JADE2: variants seen among roughly 807,000 people sequenced by gnomAD.
The protein encoded by JADE2 is jade family PHD finger 2, also known as E3 ubiquitin-protein ligase Jade-2.
JADE2 carries 13 observed loss-of-function variants against 85.7 expected under a neutral mutation model. The observed-to-expected ratio is 0.15, with a 90% confidence interval of 0.10 to 0.24. The LOEUF (loss-of-function observed/expected upper bound fraction) is 0.24, where lower values mean the gene tolerates loss of function less well. Ranked by LOEUF, JADE2 falls within the 10% of genes least tolerant of loss-of-function variation. The probability of loss-of-function intolerance (pLI) is 1.00; values close to 1 mark genes in which losing one functional copy is unlikely to be tolerated. For missense variants in JADE2, 846 were observed against 1,115.9 expected, an observed-to-expected ratio of 0.76 and a Z score of 3.45; for synonymous variants, 440 against 456.1, an observed-to-expected ratio of 0.96 and a Z score of 0.45.
At chr5:134,570,856 C>G (rs920404459) in intron 9 of JADE2, among the ~76,000 whole-genome samples, 1 of 152,222 alleles carries the variant, frequency 6.6e-6, no homozygotes, top group Non-Finnish European at 1.5e-5. Context: ...ACAGTTTTGC[C>G]CCACGTGGGG....
intron 3 of JADE2, among the ~76,000 whole-genome samples, chr5:134,546,970 A>C (rs1762332634): frequency 6.6e-6 from 1 of 152,188 alleles, no homozygotes; most frequent in Non-Finnish European, 1.5e-5. Context: ...CTTAGCTACA[A>C]ATCTTGAGAT....
intron 9 of JADE2, 95 bp from the exon 10 acceptor site, chr5:134,573,550 C>G: frequency 3.6e-6 from 3 of 839,354 alleles, no homozygotes; most frequent in South Asian, 2.7e-5. Context: ...GCCTGTGCCC[C>G]TGGCACTGCC....
Position 134,573,735 on chromosome 5 carries a change from A to C in JADE2, c.1525A>C (p.Lys509Gln). 2 of 1,612,362 alleles carry C rather than the reference A, an allele frequency of 1.2e-6. No homozygotes were observed. Among genetic ancestry groups the C allele is most frequent in the South Asian group, 2.2e-5 (2 of 91,054 alleles). Residue 509 changes from lysine to glutamine, a missense_variant, in exon 10 of 12, where the codon AAA becomes CAA. Transcript: ENST00000681547. ...GGAGCAGATATTCCACCTGCAGATG[A>C]AACTTATTGAACAGGATCTGTGTCG... ...LQEQIFHLQM[K>Q]LIEQDLCRER...
Position 134,578,479 on chromosome 5 carries a change from C to T in JADE2, c.1682-15C>T, listed in dbSNP as rs376026835. The T allele has an allele frequency of 6.5e-7, 1 of 1,547,220 alleles. No individual in the cohort carries two copies. Among genetic ancestry groups the T allele is most frequent in the South Asian group, 1.2e-5 (1 of 82,032 alleles). Reference sequence around the variant, plus strand: ...ACGTCTGCTGGCGTCTCACTTGCCTCCTCTCTCCCCTCAGCAGGCCTGTCC... The same window carrying T: ...ACGTCTGCTGGCGTCTCACTTGCCTTCTCTCTCCCCTCAGCAGGCCTGTCC... On this transcript the variant is annotated splice_polypyrimidine_tract_variant and intron_variant, in intron 11 of 11. Coordinates refer to ENST00000681547, the MANE Select transcript of JADE2 (RefSeq NM_001388185.1). The surrounding 1 kb of genome is among the most constrained non-coding windows in gnomAD (Gnocchi z 4.4).
intron 1 of JADE2, 72 bp from the exon 2 acceptor site, chr5:134,535,786 G>A (rs1227004541): frequency 7.7e-7 from 1 of 1,300,900 alleles, no homozygotes; most frequent in Non-Finnish European, 1.1e-6. Context: ...GGTTGGTTAT[G>A]GGGTGATTTT....
chr5:134,546,024 T>C (rs1233307132), intron 3 of JADE2, among the ~76,000 whole-genome samples: 2 of 152,226 alleles, frequency 1.3e-5, no homozygotes, highest in Non-Finnish European at 2.9e-5. Context: ...GGAAGAATCC[T>C]GCCAGCCTCC....
intron 1 of JADE2, among the ~76,000 whole-genome samples, chr5:134,529,051 C>T (rs1296618238): frequency 6.6e-6 from 1 of 152,170 alleles, no homozygotes; most frequent in East Asian, 1.9e-4. Flanking sequence ...ACCCCCACAT[C>T]CTTGAGGTTG....
intron 4 of JADE2, 130 bp from the exon 5 acceptor site, chr5:134,559,700 G>C (rs1396613868): frequency 3.4e-5 from 27 of 804,252 alleles, no homozygotes; most frequent in Non-Finnish European, 5.1e-5. Context: ...GGTGGAAGGA[G>C]GTGGGCCCTG....
intron 1 of JADE2, among the ~76,000 whole-genome samples, chr5:134,527,736 G>T (rs1191898669): frequency 6.6e-6 from 1 of 151,934 alleles, no homozygotes; most frequent in African/African-American, 2.4e-5. Context: ...CTGGAGGCGC[G>T]CGCAACTCCC....
At chr5:134,571,627 G>A (rs1443732284) in intron 9 of JADE2, among the ~76,000 whole-genome samples, 1 of 152,182 alleles carries the variant, frequency 6.6e-6, no homozygotes, top group South Asian at 2.1e-4. Flanking sequence ...AACCCGGGAG[G>A]CCGAGGTTGC....
chr5:134,583,054 C>T lies in JADE2; in HGVS notation c.*3737C>T, dbSNP rs61744006. ...TGGTCACCTGGGTGTGGCCAGTGCC[C>T]GCTGTGCCCTGCATGATTCTGTGTT... On this transcript the variant is annotated 3_prime_UTR_variant, in exon 12 of 12. Transcript: ENST00000681547. The T allele has an allele frequency of 2.6e-5, 4 of 152,764 alleles. No individual in the cohort carries two copies. Among genetic ancestry groups the T allele is most frequent in the East Asian group, 1.9e-4 (1 of 5,186 alleles). 9.5% of individuals were successfully genotyped at this position (152,764 alleles called of 1,614,324 possible).
At chr5:134,547,960 C>T (rs885324) in intron 3 of JADE2, among the ~76,000 whole-genome samples, 1 of 152,108 alleles carries the variant, frequency 6.6e-6, no homozygotes, top group East Asian at 1.9e-4. Flanking sequence ...ATTGGGGAAG[C>T]CTTCCTAGAG....
At chr5:134,531,030 A>G (rs998604246) in intron 1 of JADE2, among the ~76,000 whole-genome samples, 16 of 152,250 alleles carry the variant, frequency 1.1e-4, no homozygotes, top group African/African-American at 3.9e-4. Context: ...AAGTAGCTCA[A>G]CAAGCACAGC....
At chr5:134,529,789 G>A (rs980796705) in intron 1 of JADE2, among the ~76,000 whole-genome samples, 19 of 152,326 alleles carry the variant, frequency 1.2e-4, no homozygotes, top group Admixed American at 5.9e-4. Flanking sequence ...GCGAGTAGAC[G>A]GAGCTCTGCC....
At chr5:134,540,343 C>T (rs563765728) in intron 3 of JADE2, among the ~76,000 whole-genome samples, 12 of 151,966 alleles carry the variant, frequency 7.9e-5, no homozygotes, top group Non-Finnish European at 1.3e-4. Flanking sequence ...CTCAGCTTCC[C>T]GAGTAGCTAG....
In JADE2 at chr5:134,562,352, C is replaced by A. The variant is rs370554814; in HGVS notation, c.837C>A (p.Ala279=). 4 of 1,612,334 alleles carry A rather than the reference C, an allele frequency of 2.5e-6. No homozygotes were observed. Among genetic ancestry groups the A allele is most frequent in the African/African-American group, 1.3e-5 (1 of 75,006 alleles). The change falls in exon 7 of 12, where the codon GCC becomes GCA. Residue 279 remains alanine (A), a synonymous_variant. Coordinates refer to ENST00000681547, the MANE Select transcript of JADE2 (RefSeq NM_001388185.1). The surrounding 1 kb of genome is among the most constrained non-coding windows in gnomAD (Gnocchi z 4.6). ...CCAAGTGGGTGCATGTCAGCTGTGCCCTATGGATTCCTGAGGTGGGTGAGC... is the reference window on the plus strand; with the variant it reads ...CCAAGTGGGTGCATGTCAGCTGTGCACTATGGATTCCTGAGGTGGGTGAGC... The part of the protein sequence containing the change: ...SGTKWVHVSC[A]LWIPEVSIGC...
chr5:134,550,852 T>G (rs1403413950), intron 3 of JADE2, among the ~76,000 whole-genome samples: 1 of 152,206 alleles, frequency 6.6e-6, no homozygotes, highest in African/African-American at 2.4e-5. Flanking sequence ...GCTCAGGGTG[T>G]GACCACTCAT....
intron 10 of JADE2, 70 bp downstream of exon 10, chr5:134,573,832 GGT>G: frequency 2.0e-6 from 2 of 1,000,848 alleles, no homozygotes; most frequent in Non-Finnish European, 3.2e-6. Context: ...TCCCAAGGAG[GGT>G]GTGTCTTTGG....
At chr5:134,543,712 C>T (rs1376293224) in intron 3 of JADE2, among the ~76,000 whole-genome samples, 1 of 152,140 alleles carries the variant, frequency 6.6e-6, no homozygotes, top group African/African-American at 2.4e-5. Context: ...AAAAAGACAA[C>T]TGCCATAGAC....
Sources: allele counts gnomAD v4.1 joint callset (sites outside exome capture counted in the v4.1 genomes callset), GRCh38; gene constraint gnomAD v4.1.1; non-coding constraint Gnocchi (gnomAD v3.1); transcripts MANE v1.5; gene names NCBI Gene and HGNC (gene_info 2026-07-23, HGNC 2026-07-21).